LBP: variants seen among roughly 807,000 people sequenced by gnomAD.
LBP encodes the protein lipopolysaccharide-binding protein.
LBP carries 53 observed loss-of-function variants against 56.6 expected under a neutral mutation model. That is an observed-to-expected ratio of 0.94 (90% CI 0.75 to 1.18). The LOEUF (loss-of-function observed/expected upper bound fraction) is 1.18, where lower values mean the gene tolerates loss of function less well. Among genes scored for constraint, LBP ranks in the 50% most tolerant of loss-of-function variants. LBP has a pLI of 0.00. For missense variants in LBP, 601 were observed against 598.3 expected (o/e 1.00, Z -0.05); for synonymous variants, 227 against 247.5 (o/e 0.92, Z 0.78).
intron 13 of LBP, among the ~76,000 whole-genome samples, chr20:38,373,680 C>T (rs1256739594): frequency 6.6e-6 from 1 of 152,164 alleles, no homozygotes; most frequent in Non-Finnish European, 1.5e-5. Flanking sequence ...AGCTTAGGCT[C>T]CCAAGTCAGC....
intron 1 of LBP, among the ~76,000 whole-genome samples, chr20:38,348,191 C>T (rs963692013): frequency 8.5e-5 from 13 of 152,184 alleles, no homozygotes; most frequent in African/African-American, 2.9e-4. Flanking sequence ...ACAGTGGGAC[C>T]TGGTAACTGC....
intron 5 of LBP, among the ~76,000 whole-genome samples, chr20:38,356,276 C>T (rs1351293789): frequency 2.2e-5 from 3 of 134,916 alleles, no homozygotes; most frequent in Non-Finnish European, 4.8e-5. Context: ...ACACGCACCC[C>T]CTACACACAC....
chr20:38,373,974 G>T lies in LBP; in HGVS notation c.1362G>T (p.Lys454Asn), dbSNP rs142356536. The T allele has an allele frequency of 4.8e-5, 78 of 1,614,110 alleles. No homozygotes were observed. In the African/African-American group the frequency reaches 8.5e-4, roughly 18 times the overall value. The change falls in exon 14 of 15, where the codon AAG becomes AAT. Residue 454 changes from lysine to asparagine, a missense_variant. Transcript: ENST00000217407. ...LAEGFPLPLL[K>N]RVQLYDLGLQ... ...AAGGCTTCCCCCTTCCTCTGCTGAA[G>T]CGTGTTCAGCTCTACGACCTTGGGC...
intron 4 of LBP, among the ~76,000 whole-genome samples, chr20:38,354,883 A>T (rs1395386141): frequency 6.6e-6 from 1 of 152,156 alleles, no homozygotes; most frequent in African/African-American, 2.4e-5. Flanking sequence ...GGAGTTCAAG[A>T]CCAGCCTGGG....
chr20:38,373,955 TC>T lies in LBP; in HGVS notation c.1348del (p.Leu450PhefsTer4), dbSNP rs777208405. 1.2e-6 allele frequency: 2 copies of T among 1,614,022 alleles called. No individual in the cohort carries two copies. The highest frequency in any genetic ancestry group is 2.7e-5 in the African/African-American group (2 of 74,930). ...PKFNDKLAEGFPLPLLKRVQL... is the reference protein window; with the variant it reads ...PKFNDKLAEGXPLPLLKRVQL... Reference sequence around the variant, plus strand: ...CCTCTAGATAAGTTGGCCGAAGGCTTCCCCCTTCCTCTGCTGAAGCGTGTTC... The same window carrying T: ...CCTCTAGATAAGTTGGCCGAAGGCTTCCCCTTCCTCTGCTGAAGCGTGTTC... On this transcript the variant is annotated frameshift_variant, in exon 14 of 15. Transcript: ENST00000217407. LOFTEE classifies it high-confidence loss of function.
intron 6 of LBP, among the ~76,000 whole-genome samples, chr20:38,362,262 A>G (rs1157519819): frequency 1.4e-5 from 2 of 142,850 alleles, no homozygotes; most frequent in Non-Finnish European, 3.1e-5. Flanking sequence ...GGGTTTCACC[A>G]TGTTAGCCAG....
chr20:38,370,898 C>T, intron 11 of LBP, 93 bp downstream of exon 11: 1 of 1,066,660 alleles, frequency 9.4e-7, no homozygotes, highest in East Asian at 2.4e-5. Context: ...GGGGGGGCCA[C>T]CATTTGGAAA....
At chr20:38,348,848 C>T (rs532588567) in intron 1 of LBP, among the ~76,000 whole-genome samples, 6 of 151,996 alleles carry the variant, frequency 3.9e-5, no homozygotes, top group South Asian at 2.1e-4. Context: ...GGCTAGAGTG[C>T]GGTAGTGCGA....
intron 12 of LBP, 30 bp downstream of exon 12, chr20:38,371,352 G>C: frequency 1.3e-6 from 2 of 1,507,740 alleles, no homozygotes. Context: ...GACATGATTA[G>C]AATGTTAATT....
At chr20:38,373,238 C>A (rs1026428821) in intron 13 of LBP, 103 bp downstream of exon 13, 5 of 964,966 alleles carry the variant, frequency 5.2e-6, no homozygotes, top group East Asian at 2.5e-5. Flanking sequence ...GCTGTATGAC[C>A]GTGGGCAAGT....
intron 8 of LBP, 100 bp from the exon 9 acceptor site, chr20:38,366,669 G>A: frequency 9.1e-7 from 1 of 1,104,222 alleles, no homozygotes; most frequent in Non-Finnish European, 1.4e-6. Flanking sequence ...AGGCTGTGGA[G>A]AAGCGACAGT....
chr20:38,354,488 C>A, intron 4 of LBP, 49 bp downstream of exon 4: 1 of 1,554,870 alleles, frequency 6.4e-7, no homozygotes, highest in South Asian at 1.2e-5. Context: ...TTGCAGCTCC[C>A]GGCCAATCCA....
chr20:38,355,288 C>T (rs946782988), intron 4 of LBP, 58 bp from the exon 5 acceptor site: 20 of 1,520,010 alleles, frequency 1.3e-5, no homozygotes, highest in Non-Finnish European at 1.6e-5. Flanking sequence ...CAGGGCCTGG[C>T]TTTCCCAGGC....
intron 3 of LBP, 101 bp from the exon 4 acceptor site, chr20:38,354,183 T>C: frequency 1.1e-6 from 1 of 906,662 alleles, no homozygotes; most frequent in South Asian, 1.7e-5. Context: ...TCTGCTCAGC[T>C]CCATGTATTT....
intron 14 of LBP, 68 bp from the exon 15 acceptor site, chr20:38,376,557 A>G: frequency 7.0e-7 from 1 of 1,434,114 alleles, no homozygotes; most frequent in Non-Finnish European, 9.8e-7. Flanking sequence ...GCTCCCTTTC[A>G]ATCGCAGATG....
chr20:38,363,957 C>T lies in LBP; in HGVS notation c.653-18C>T, dbSNP rs752866143. ...AAGTGTCATCTGGCCCCTAATTCTG[C>T]CCTGTCCTCATTCACAGTTACAACA... On this transcript the variant is annotated intron_variant, in intron 6 of 14. Transcript: ENST00000217407. The T allele has an allele frequency of 1.3e-6, 2 of 1,587,634 alleles. No homozygotes were observed. Among genetic ancestry groups the T allele is most frequent in the East Asian group, 2.2e-5 (1 of 44,744 alleles).
intron 12 of LBP, among the ~76,000 whole-genome samples, chr20:38,372,609 A>T (rs551522234): frequency 6.6e-6 from 1 of 152,282 alleles, no homozygotes; most frequent in South Asian, 2.1e-4. Flanking sequence ...CGATATATGG[A>T]ATAGGGACAT....
At chr20:38,363,537 C>T (rs1045862205) in intron 6 of LBP, among the ~76,000 whole-genome samples, 4 of 152,182 alleles carry the variant, frequency 2.6e-5, no homozygotes, top group Non-Finnish European at 4.4e-5. Flanking sequence ...GCTGACATCA[C>T]CTTTACCAGA....
At chr20:38,357,606 G>A (rs753160460) in intron 5 of LBP, among the ~76,000 whole-genome samples, 8 of 152,184 alleles carry the variant, frequency 5.3e-5, no homozygotes, top group Non-Finnish European at 1.0e-4. Context: ...TGGATCTCAC[G>A]CAAGAAAGAA....
Sources: gnomAD v4.1 joint callset for allele counts (sites outside exome capture counted in the v4.1 genomes callset) on GRCh38, gnomAD v4.1.1 for gene constraint, MANE v1.5 for transcripts, NCBI Gene and HGNC (gene_info 2026-07-23, HGNC 2026-07-21) for gene names.